MSI2: variants seen among roughly 807,000 people sequenced by gnomAD.
The protein encoded by MSI2 is RNA-binding protein Musashi homolog 2.
A neutral mutation model predicts 45.6 loss-of-function variants in MSI2; 17 were observed. The ratio of observed to expected loss-of-function variants is 0.37; its 90% CI spans 0.26 to 0.56. The LOEUF (loss-of-function observed/expected upper bound fraction) is 0.56, where lower values mean the gene tolerates loss of function less well. MSI2 is among the 20% of genes least tolerant of loss of function. The pLI, the probability that MSI2 is intolerant of heterozygous loss-of-function variation, is 0.77. For synonymous variants in MSI2, 156 were observed against 158.2 expected, an observed-to-expected ratio of 0.99 and a Z score of 0.11; for missense variants, 293 against 444.2, an observed-to-expected ratio of 0.66 and a Z score of 3.06.
intron 10 of MSI2, among the ~76,000 whole-genome samples, chr17:57,636,112 TC>T (rs1909816102): frequency 1.3e-5 from 2 of 152,134 alleles, no homozygotes; most frequent in South Asian, 4.1e-4. Flanking sequence ...AAGGTAAGCT[TC>T]AGTCAAGTCA....
chr17:57,494,132 A>G (rs1464855647), intron 6 of MSI2, among the ~76,000 whole-genome samples: 1 of 152,202 alleles, frequency 6.6e-6, no homozygotes. Context: ...TTTCACAGGT[A>G]AGGAAACAAG....
At chr17:57,314,638 C>T (rs1208682838) in intron 5 of MSI2, among the ~76,000 whole-genome samples, 2 of 139,618 alleles carry the variant, frequency 1.4e-5, no homozygotes, top group Admixed American at 1.6e-4. Flanking sequence ...GTGGCGCGAT[C>T]TCGGCTCACT....
At chr17:57,540,403 G>A (rs921747188) in intron 7 of MSI2, among the ~76,000 whole-genome samples, 5 of 152,208 alleles carry the variant, frequency 3.3e-5, no homozygotes, top group Non-Finnish European at 5.9e-5. Context: ...ACCTTGAAGG[G>A]TGTTGTGGGC....
intron 6 of MSI2, among the ~76,000 whole-genome samples, chr17:57,486,033 C>T (rs2085747765): frequency 6.6e-6 from 1 of 152,226 alleles, no homozygotes; most frequent in South Asian, 2.1e-4. Context: ...GCCAACCAGG[C>T]TCATTCCCTC....
At chr17:57,331,742 C>G (rs2143733049) in intron 5 of MSI2, among the ~76,000 whole-genome samples, 1 of 152,290 alleles carries the variant, frequency 6.6e-6, no homozygotes, top group Admixed American at 6.5e-5. Context: ...TGTCTCAGAA[C>G]AGTGAAGGCG....
At chr17:57,405,169 T>C (rs1439101540) in intron 6 of MSI2, among the ~76,000 whole-genome samples, 1 of 152,184 alleles carries the variant, frequency 6.6e-6, no homozygotes, top group Non-Finnish European at 1.5e-5. Flanking sequence ...GTTCCTTTGC[T>C]GGCCTCGGCT....
At chr17:57,400,411 G>A (rs1270732615) in intron 5 of MSI2, among the ~76,000 whole-genome samples, 1 of 152,152 alleles carries the variant, frequency 6.6e-6, no homozygotes, top group East Asian at 1.9e-4. Context: ...TTTGGAGCTG[G>A]TAGGATTTGG....
chr17:57,631,963 T>C (rs1464371652), intron 10 of MSI2: 14 of 1,456,902 alleles, frequency 9.6e-6, no homozygotes, highest in Non-Finnish European at 1.3e-5. Flanking sequence ...TTTGAATGAC[T>C]GTTCTTTTTC....
intron 7 of MSI2, among the ~76,000 whole-genome samples, chr17:57,594,574 T>C (rs1905109645): frequency 6.6e-6 from 1 of 152,074 alleles, no homozygotes; most frequent in African/African-American, 2.4e-5. Context: ...TCTCCAGCTC[T>C]GCAATGATCA....
intron 6 of MSI2, among the ~76,000 whole-genome samples, chr17:57,487,872 C>T (rs975643701): frequency 2.6e-5 from 4 of 151,714 alleles, no homozygotes; most frequent in Admixed American, 2.6e-4. Context: ...TATTGGGTTG[C>T]GTCTCCCTCC....
chr17:57,350,255 T>TG (rs1567773707), intron 5 of MSI2, among the ~76,000 whole-genome samples: 1 of 151,708 alleles, frequency 6.6e-6, no homozygotes, highest in African/African-American at 2.4e-5. Context: ...TGTGTGTGTG[T>TG]TCATAGAAGG....
chr17:57,541,131 A>G (rs564810542), intron 7 of MSI2, among the ~76,000 whole-genome samples: 1 of 148,878 alleles, frequency 6.7e-6, no homozygotes, highest in South Asian at 2.2e-4. Flanking sequence ...TGACCTTAGG[A>G]TGTTAAAGAT....
At chr17:57,399,085 A>T (rs1484551974) in intron 5 of MSI2, among the ~76,000 whole-genome samples, 2 of 152,172 alleles carry the variant, frequency 1.3e-5, no homozygotes, top group Non-Finnish European at 2.9e-5. Context: ...TTGCCATTCA[A>T]GTGACCTCGA....
intron 7 of MSI2, among the ~76,000 whole-genome samples, chr17:57,531,449 G>A (rs999276336): frequency 6.6e-6 from 1 of 152,216 alleles, no homozygotes; most frequent in Non-Finnish European, 1.5e-5. Flanking sequence ...GAGACCCATG[G>A]CTGAGCAGGG....
At chr17:57,458,480 G>A (rs151036562) in intron 6 of MSI2, among the ~76,000 whole-genome samples, 12 of 152,308 alleles carry the variant, frequency 7.9e-5, no homozygotes, top group African/African-American at 2.9e-4. Flanking sequence ...GTGTTACCAT[G>A]CTTTAGTCAG....
At chr17:57,609,883 G>A (rs1567934334) in intron 8 of MSI2, among the ~76,000 whole-genome samples, 1 of 152,188 alleles carries the variant, frequency 6.6e-6, no homozygotes, top group African/African-American at 2.4e-5. Flanking sequence ...GGCTTGGGCT[G>A]GGGCTATAGG....
chr17:57,600,899 C>G (rs1688672599), intron 8 of MSI2: 1 of 152,254 alleles, frequency 6.6e-6, no homozygotes, highest in Non-Finnish European at 1.5e-5. Context: ...ATTATCCCCA[C>G]TTACAGATTG....
rs1373122692 is a variant in MSI2, at chr17:57,407,666, T to C, written c.405+6195T>C. ...CCTCACCCTGTCCTCTGCTCCACCT[T>C]TTTCTGGAGAGCCTGGGTGTTGCCC... is the stretch of plus-strand genomic sequence containing the variant. On this transcript the variant is annotated intron_variant, in intron 6 of 13. Coordinates refer to ENST00000284073, the MANE Select transcript of MSI2 (RefSeq NM_138962.4). The surrounding 1 kb of genome is among the most constrained non-coding windows in gnomAD (Gnocchi z 4.1). Among the ~76,000 whole-genome samples, 1 of 152,132 alleles carries C rather than the reference T, an allele frequency of 6.6e-6. No homozygotes were observed. Among genetic ancestry groups the C allele is most frequent in the Non-Finnish European group, 1.5e-5 (1 of 68,006 alleles).
intron 6 of MSI2, among the ~76,000 whole-genome samples, chr17:57,423,641 A>G (rs975731647): frequency 1.3e-5 from 2 of 152,184 alleles, no homozygotes; most frequent in African/African-American, 2.4e-5. Context: ...TTGTTAAAGT[A>G]TGCCTGTTGA....
Sources: gnomAD v4.1 joint callset for allele counts (sites outside exome capture counted in the v4.1 genomes callset) on GRCh38, gnomAD v4.1.1 for gene constraint, Gnocchi (gnomAD v3.1) non-coding constraint, MANE v1.5 for transcripts, NCBI Gene and HGNC (gene_info 2026-07-23, HGNC 2026-07-21) for gene names.